Variants in KLC4 observed in about 807,000 individuals in gnomAD.
The protein encoded by KLC4 is kinesin-like protein 8.
A neutral mutation model predicts 77.2 loss-of-function variants in KLC4; 49 were observed. The ratio of observed to expected loss-of-function variants is 0.63; its 90% confidence interval spans 0.50 to 0.80. The LOEUF (loss-of-function observed/expected upper bound fraction) is 0.80. Ranked by LOEUF, KLC4 falls within the 30% of genes least tolerant of loss-of-function variation. The pLI is 0.00. For synonymous variants in KLC4, 274 were observed against 314.5 expected (o/e 0.87, Z 1.36); for missense variants, 669 against 793.5 (o/e 0.84, Z 1.89).
chr6:43,061,629 T>G, intron 2 of KLC4, 36 bp downstream of exon 2: 1 of 1,581,420 alleles, frequency 6.3e-7, no homozygotes, highest in Non-Finnish European at 8.6e-7. Context: ...TGGTCCAGGG[T>G]GGATGGAGGA....
chr6:43,072,042 C>T lies in KLC4; in HGVS notation c.1380-105C>T, dbSNP rs1013758987. 4.3e-6 allele frequency: 6 copies of T among 1,386,972 alleles called. No individual in the cohort carries two copies. The Admixed American group carries it at 5.2e-5, about 12-fold the overall frequency. 85.9% of individuals were successfully genotyped at this position (1,386,972 alleles called of 1,614,324 possible). Reference sequence around the variant, plus strand: ...TTTCCCTCAGCTTTAGCTCTGTTCCCTCTCCTATTTTCTTATTTTTTTTCC... The same window carrying T: ...TTTCCCTCAGCTTTAGCTCTGTTCCTTCTCCTATTTTCTTATTTTTTTTCC... On this transcript the variant is annotated intron_variant, in intron 11 of 15. Coordinates refer to ENST00000347162, the MANE Select transcript of KLC4 (RefSeq NM_201521.3).
At position 43,072,851 on chromosome 6, in the gene KLC4, G is replaced by A. The variant is rs1437438824; in HGVS notation, c.1516G>A (p.Val506Met). The change falls in exon 13 of 16, where the codon GTG (valine) becomes ATG (methionine). Residue 506 changes from valine to methionine, a missense_variant. Physicochemically the swap from Val to Met is conservative, Grantham distance 21 (BLOSUM62 1). Transcript: ENST00000347162. Reference sequence around the variant, plus strand: ...CACTGACCCTATCAGCCAGACGAAGGTGGCAGAGCTGCTTGGGGAGAGTGA... The same window carrying A: ...CACTGACCCTATCAGCCAGACGAAGATGGCAGAGCTGCTTGGGGAGAGTGA... ...QGTDPISQTK[V>M]AELLGESDGR... The A allele has an allele frequency of 6.2e-7, 1 of 1,613,938 alleles. No individual in the cohort carries two copies. The highest frequency in any genetic ancestry group is 2.2e-5 in the East Asian group (1 of 44,872).
chr6:43,071,538 A>T, intron 9 of KLC4, 29 bp from the exon 10 acceptor site: 1 of 1,607,894 alleles, frequency 6.2e-7, no homozygotes, highest in Non-Finnish European at 8.5e-7. Flanking sequence ...TCCCATCTCT[A>T]ACCTCCCCAC....
chr6:43,059,720 A>C lies in KLC4; in HGVS notation c.-26+35A>C, dbSNP rs886515223. On this transcript the variant is annotated intron_variant, in intron 1 of 15. Coordinates refer to ENST00000347162, the MANE Select transcript of KLC4 (RefSeq NM_201521.3). ...TGAGGGTATCCTGGGGCTGAAGGTTAAGGTCTCTGCCATCTCTTATTCTCG... is the reference window on the plus strand; with the variant it reads ...TGAGGGTATCCTGGGGCTGAAGGTTCAGGTCTCTGCCATCTCTTATTCTCG... The C allele has an allele frequency of 1.3e-5, 17 of 1,271,142 alleles. No homozygotes were observed. In the African/African-American group the frequency reaches 2.3e-4, roughly 17 times the overall value. The allele number at this position is 1,271,142 out of a possible 1,614,324, so 78.7% of individuals were successfully genotyped here. A position where few individuals can be genotyped will look rare whatever the true frequency, so the allele number is the denominator to read the frequency against.
At chr6:43,061,059 C>T in intron 1 of KLC4, 1 of 497,732 alleles carries the variant, frequency 2.0e-6, no homozygotes, top group Non-Finnish European at 3.6e-6. Context: ...TCTGCTAGTT[C>T]TAAGCACCTT....
chr6:43,074,035 A>C (rs540143608), intron 15 of KLC4, 70 bp downstream of exon 15: 5 of 1,221,484 alleles, frequency 4.1e-6, no homozygotes, highest in East Asian at 2.4e-5. Context: ...AGCCCAGTGG[A>C]GTAAGGGAAG....
intron 3 of KLC4, among the ~76,000 whole-genome samples, chr6:43,064,856 G>C (rs1256029445): frequency 6.6e-6 from 1 of 152,156 alleles, no homozygotes; most frequent in Non-Finnish European, 1.5e-5. Flanking sequence ...CAGTGAGGGA[G>C]GGTTACGTAG....
In KLC4 at chr6:43,066,496, C is replaced by T. The variant is rs1765439423; in HGVS notation, c.762C>T (p.Thr254=). 2 of 1,613,518 alleles carry T rather than the reference C, an allele frequency of 1.2e-6. No homozygotes were observed. Among genetic ancestry groups the T allele is most frequent in the Admixed American group, 1.7e-5 (1 of 59,998 alleles). The change falls in exon 5 of 16, where the codon ACC becomes ACT. Residue 254 remains threonine (T), a synonymous_variant. Transcript: ENST00000347162. The part of the protein sequence containing the change: ...TSGRGHPDVA[T]MLNILALVYR... ...GCCGTGGCCACCCTGATGTCGCCAC[C>T]ATGCTCAACATCCTTGCTTTGGTGT...
Position 43,070,869 on chromosome 6 carries a change from T to C in KLC4, c.1155+4T>C. 2.3e-6 allele frequency: 3 copies of C among 1,314,170 alleles called. No individual in the cohort carries two copies. Among genetic ancestry groups the C allele is most frequent in the Non-Finnish European group, 3.0e-6 (3 of 1,002,828 alleles). 81.4% of individuals were successfully genotyped at this position (1,314,170 alleles called of 1,614,324 possible). A position where few individuals can be genotyped will look rare whatever the true frequency, so the allele number is the denominator to read the frequency against. ...AGCCCGGACCAAGAACAACCTGGTA[T>C]GGGAGGAGGGACAAAGTAGGTGGAA... On this transcript the variant is annotated splice_donor_region_variant and intron_variant, in intron 8 of 15. Coordinates refer to ENST00000347162, the MANE Select transcript of KLC4 (RefSeq NM_201521.3).
At position 43,074,652 on chromosome 6, in the gene KLC4, G is replaced by C. The variant is rs369487235; in HGVS notation, c.1840G>C (p.Asp614His). ...VSRGLSASTMDLSSSS is the reference protein window; with the variant it reads ...VSRGLSASTMHLSSSS ...CCGGGGCCTCAGTGCCAGCACCATG[G>C]ACCTCTCTTCAAGCAGCTGACATTC... Residue 614 changes from aspartate to histidine, a missense_variant, in exon 16 of 16, where the codon GAC becomes CAC. Transcript: ENST00000347162. The C allele has an allele frequency of 6.2e-7, 1 of 1,614,136 alleles. No individual in the cohort carries two copies. The highest frequency in any genetic ancestry group is 1.1e-5 in the South Asian group (1 of 91,080).
Position 43,065,655 on chromosome 6 carries a change from G to C in KLC4, c.525G>C (p.Leu175=). Residue 175 remains leucine, a synonymous_variant, in exon 4 of 16, where the codon CTG becomes CTC. Coordinates refer to ENST00000347162, the MANE Select transcript of KLC4 (RefSeq NM_201521.3). ...EKEGDATKDS[L]DDLFPNEEEE... ...AAGGCGATGCCACCAAGGATTCCCT[G>C]GATGACCTCTTTCCTAATGAGGAGG... 1 of 1,613,956 alleles carries C rather than the reference G, an allele frequency of 6.2e-7. No homozygotes were observed. Among genetic ancestry groups the C allele is most frequent in the South Asian group, 1.1e-5 (1 of 91,084 alleles).
chr6:43,071,286 C>T lies in KLC4; in HGVS notation c.1167C>T (p.Tyr389=), dbSNP rs1236923624. Residue 389 remains tyrosine, a synonymous_variant, in exon 9 of 16, where the codon TAC becomes TAT. Transcript: ENST00000347162. ...TTTCTGTCCTCCAGGCTTCCTGTTA[C>T]CTGAAACAGGGCAAATATGCTGAGG... ...ARTKNNLASC[Y]LKQGKYAEAE... 3 of 1,613,064 alleles carry T rather than the reference C, an allele frequency of 1.9e-6. No homozygotes were observed. The highest frequency in any genetic ancestry group is 2.2e-5 in the East Asian group (1 of 44,878).
chr6:43,070,347 T>C lies in KLC4; in HGVS notation c.880-7T>C. 1 of 1,610,842 alleles carries C rather than the reference T, an allele frequency of 6.2e-7. No homozygotes were observed. Among genetic ancestry groups the C allele is most frequent in the Non-Finnish European group, 8.5e-7 (1 of 1,177,094 alleles). The stretch of plus-strand genomic sequence containing the variant: ...AATGTCTGATGGGGACAGGCCTGTC[T>C]TCATAGGTGGCTGCCACACTCAACA... On this transcript the variant is annotated splice_region_variant and splice_polypyrimidine_tract_variant and intron_variant, in intron 6 of 15. Transcript: ENST00000347162.
intron 12 of KLC4, 63 bp from the exon 13 acceptor site, chr6:43,072,761 T>C (rs908066244): frequency 1.2e-5 from 18 of 1,559,742 alleles, no homozygotes; most frequent in Non-Finnish European, 1.5e-5. Context: ...TGAAAAAAAT[T>C]TGAAAGCCCC....
At chr6:43,070,514 C>A (rs916864924) in intron 7 of KLC4, 59 bp downstream of exon 7, 1 of 1,456,938 alleles carries the variant, frequency 6.9e-7, no homozygotes, top group Non-Finnish European at 9.6e-7. Context: ...TACATGGCTC[C>A]TCTGGTCTAA....
chr6:43,063,028 G>T lies in KLC4; in HGVS notation c.370G>T (p.Ala124Ser). 6.2e-7 allele frequency: 1 copy of T among 1,614,236 alleles called. No individual in the cohort carries two copies. Among genetic ancestry groups the T allele is most frequent in the Non-Finnish European group, 8.5e-7 (1 of 1,180,036 alleles). ...GAACCAGTGGCTGCGGGATGAGCTG[G>T]CTGGCACCCAGCAGCGGCTACAGCG... is the stretch of plus-strand genomic sequence containing the variant. ...QENQWLRDEL[A>S]GTQQRLQRSE... is the part of the protein sequence containing the mutation. The change falls in exon 3 of 16, where the codon GCT (alanine) becomes TCT (serine). Residue 124 changes from alanine (A) to serine (S), a missense_variant. Physicochemically the swap from Ala to Ser is moderately conservative, Grantham distance 99 (BLOSUM62 1). Transcript: ENST00000347162.
chr6:43,061,521 G>C lies in KLC4; in HGVS notation c.186G>C (p.Gly62=). 4 of 1,614,156 alleles carry C rather than the reference G, an allele frequency of 2.5e-6. No individual in the cohort carries two copies. Among genetic ancestry groups the C allele is most frequent in the East Asian group, 4.5e-5 (2 of 44,888 alleles). Residue 62 remains glycine (G), a synonymous_variant, in exon 2 of 16, where the codon GGG becomes GGC. Coordinates refer to ENST00000347162, the MANE Select transcript of KLC4 (RefSeq NM_201521.3). Reference sequence around the variant, plus strand: ...TGCAGCAGGGAGGCCATGAGGAAGGGCTGGTGCATGAGAAGGCCCGGCAGC... The same window carrying C: ...TGCAGCAGGGAGGCCATGAGGAAGGCCTGGTGCATGAGAAGGCCCGGCAGC... ...ECLQQGGHEE[G]LVHEKARQLR...
rs148939886 is a variant in KLC4 at position 43,064,118 on chromosome 6, G to T, written c.489+971G>T. Among the ~76,000 whole-genome samples the T allele has an allele frequency of 4.6e-5, 7 of 151,206 alleles. No individual in the cohort carries two copies. In the East Asian group the frequency reaches 1.4e-3, roughly 30 times the overall value. ...CTCCCAAAATGCTGGGATTACAGGC[G>T]TGAGCCACCACGCCTGGCTGAGAGT... On this transcript the variant is annotated intron_variant, in intron 3 of 15. Coordinates refer to ENST00000347162, the MANE Select transcript of KLC4 (RefSeq NM_201521.3).
intron 6 of KLC4, 192 bp downstream of exon 6, chr6:43,067,275 C>A: frequency 8.1e-7 from 1 of 1,231,394 alleles, no homozygotes; most frequent in Non-Finnish European, 1.0e-6. Context: ...GACTCAGTGA[C>A]TCCTTTTTAT....
Sources: allele counts gnomAD v4.1 joint callset (sites outside exome capture counted in the v4.1 genomes callset), GRCh38; gene constraint gnomAD v4.1.1; transcripts MANE v1.5; gene names NCBI Gene and HGNC (gene_info 2026-07-23, HGNC 2026-07-21).